The following METTL21A variants were observed in gnomAD, a reference collection of about 807,000 sequenced individuals.
METTL21A encodes protein N-lysine methyltransferase METTL21A.
In METTL21A, 22 loss-of-function variants were observed where a neutral mutation model predicts 20.9. The observed-to-expected ratio is 1.05, with a 90% CI of 0.75 to 1.50. The LOEUF (loss-of-function observed/expected upper bound fraction) is 1.50, where lower values mean the gene tolerates loss of function less well. METTL21A is among the 40% of genes most tolerant of loss of function. The probability of loss-of-function intolerance (pLI) is 0.00; values close to 1 mark genes in which losing one functional copy is unlikely to be tolerated. For missense variants in METTL21A, 271 were observed against 266.8 expected (o/e 1.02, Z -0.11); for synonymous variants, 93 against 102.0 (o/e 0.91, Z 0.53).
At chr2:207,582,890 C>CA (rs1415517554) in intron 3 of METTL21A, 16 of 286,796 alleles carry the variant, frequency 5.6e-5, no homozygotes, top group Non-Finnish European at 8.2e-5. Context: ...GACTCTGTCT[C>CA]AAAAAAACAA....
chr2:207,616,226 A>G (rs1256111069), intron 3 of METTL21A, among the ~76,000 whole-genome samples: 1 of 152,164 alleles, frequency 6.6e-6, no homozygotes, highest in East Asian at 1.9e-4. Flanking sequence ...GGTTTGAGTT[A>G]GAACTGTATC....
downstream of METTL21A, among the ~76,000 whole-genome samples, chr2:207,607,974 T>G (rs770202595): frequency 2.0e-5 from 3 of 152,036 alleles, no homozygotes; most frequent in Non-Finnish European, 4.4e-5. Context: ...GCGCTCGCTC[T>G]CCTCTCACAC....
At chr2:207,598,936 A>G (rs76511710) in intron 3 of METTL21A, 2,331 of 182,960 alleles carry the variant, frequency 0.013, 34 homozygotes, top group African/African-American at 0.035. Flanking sequence ...TTTAGTCAAG[A>G]GTTATTTAAG....
intron 3 of METTL21A, among the ~76,000 whole-genome samples, chr2:207,586,220 T>C (rs988724788): frequency 7.2e-5 from 11 of 152,010 alleles, no homozygotes; most frequent in Admixed American, 2.0e-4. Flanking sequence ...AACCAAAACA[T>C]AGTATTGATA....
chr2:207,602,364 A>G (rs2087213919), intron 3 of METTL21A: 1 of 202,228 alleles, frequency 4.9e-6, no homozygotes, highest in Non-Finnish European at 1.0e-5. Context: ...TGCAGGTCCC[A>G]GCTGGGTATG....
chr2:207,600,839 G>C (rs1429157153), intron 3 of METTL21A: 1 of 206,448 alleles, frequency 4.8e-6, no homozygotes, highest in African/African-American at 2.3e-5. Context: ...GGGGTGACAT[G>C]TGGAATCATA....
chr2:207,592,159 A>T (rs971490710), intron 3 of METTL21A, among the ~76,000 whole-genome samples: 2 of 152,132 alleles, frequency 1.3e-5, no homozygotes, highest in Non-Finnish European at 2.9e-5. Context: ...GACTTTAAAG[A>T]TGTCACTTAA....
At chr2:207,595,034 T>G (rs2085853144) in intron 3 of METTL21A, among the ~76,000 whole-genome samples, 2 of 150,284 alleles carry the variant, frequency 1.3e-5, no homozygotes, top group Admixed American at 1.3e-4. Context: ...GCTCGCTCTG[T>G]TGCCTAGGTA....
At chr2:207,616,305 C>A (rs1441378835) in intron 3 of METTL21A, among the ~76,000 whole-genome samples, 1 of 152,240 alleles carries the variant, frequency 6.6e-6, no homozygotes, top group African/African-American at 2.4e-5. Context: ...ATCTGCACAT[C>A]ACCTCAGTAT....
chr2:207,616,554 A>G (rs1406409704), intron 3 of METTL21A, among the ~76,000 whole-genome samples: 1 of 152,216 alleles, frequency 6.6e-6, no homozygotes, highest in Non-Finnish European at 1.5e-5. Flanking sequence ...TTAAAAAAAC[A>G]GAATATCCGG....
At chr2:207,613,477 C>T (rs760627555) in intron 3 of METTL21A, 34 bp from the exon 4 acceptor site, 1 of 1,532,086 alleles carries the variant, frequency 6.5e-7, no homozygotes, top group Admixed American at 2.1e-5. Context: ...GTGATGTGTA[C>T]ATCAGTACAA....
chr2:207,586,248 G>T (rs914111914), intron 3 of METTL21A, among the ~76,000 whole-genome samples: 1 of 152,110 alleles, frequency 6.6e-6, no homozygotes, highest in Non-Finnish European at 1.5e-5. Context: ...ACATAGACCA[G>T]TGGAACAGAA....
At chr2:207,592,911 C>CAAAAAAGAAGAA (rs1553509959) in intron 3 of METTL21A, among the ~76,000 whole-genome samples, 1 of 145,122 alleles carries the variant, frequency 6.9e-6, no homozygotes, top group Non-Finnish European at 1.5e-5. Flanking sequence ...GACTCCATCT[C>CAAAAAAGAAGAA]AAAAAAGAAA....
intron 3 of METTL21A, chr2:207,602,745 ATTAT>A (rs900512183): frequency 3.3e-5 from 7 of 211,416 alleles, no homozygotes; most frequent in South Asian, 1.9e-4. Context: ...ATGTAATAAA[ATTAT>A]TTATATTAAA....
At chr2:207,622,413 G>A (rs1310548208) in intron 2 of METTL21A, among the ~76,000 whole-genome samples, 2 of 152,084 alleles carry the variant, frequency 1.3e-5, no homozygotes, top group Non-Finnish European at 1.5e-5. Flanking sequence ...TCCTGCGTCA[G>A]CTTCCCAAAG....
At chr2:207,621,903 G>A in exon 3 of METTL21A, 3 of 1,614,064 alleles carry the variant, frequency 1.9e-6, no homozygotes, top group Non-Finnish European at 2.5e-6. Context: ...CCAGGTATGT[G>A]GAAAGAACGA....
intron 3 of METTL21A, among the ~76,000 whole-genome samples, chr2:207,584,405 C>CT (rs113736634): frequency 5.0e-4 from 74 of 147,450 alleles, no homozygotes; most frequent in East Asian, 1.2e-3. Flanking sequence ...TCACTAGTGA[C>CT]TTTTTTTTTT....
At chr2:207,582,504 T>C (rs1025865337) in intron 3 of METTL21A, among the ~76,000 whole-genome samples, 1 of 152,214 alleles carries the variant, frequency 6.6e-6, no homozygotes, top group African/African-American at 2.4e-5. Context: ...GTTGTTCATA[T>C]TGTTCTAGCT....
chr2:207,585,643 G>A (rs144847076), intron 3 of METTL21A, among the ~76,000 whole-genome samples: 1 of 152,096 alleles, frequency 6.6e-6, no homozygotes, highest in Non-Finnish European at 1.5e-5. Context: ...AGAAAACTCA[G>A]CAAGAAACAA....
Sources: gnomAD v4.1 joint callset for allele counts (sites outside exome capture counted in the v4.1 genomes callset) on GRCh38, gnomAD v4.1.1 for gene constraint, MANE v1.5 for transcripts, NCBI Gene and HGNC (gene_info 2026-07-23, HGNC 2026-07-21) for gene names.